ACSM3: variants seen among roughly 807,000 people sequenced by gnomAD.
ACSM3 encodes the protein acyl-coenzyme A synthetase ACSM3, mitochondrial.
In ACSM3, 61 loss-of-function variants were observed where a neutral mutation model predicts 74.1. That is an observed-to-expected ratio of 0.82 (90% CI 0.67 to 1.02). The LOEUF (loss-of-function observed/expected upper bound fraction) is 1.02. ACSM3 is among the 50% of genes least tolerant of loss of function. The pLI is 0.00. For missense variants in ACSM3, 660 were observed against 697.0 expected (o/e 0.95, Z 0.60); for synonymous variants, 213 against 241.5 (o/e 0.88, Z 1.09).
chr16:20,707,800 A>G (rs1596482209), intron 1 of ACSM3, among the ~76,000 whole-genome samples: 1 of 152,182 alleles, frequency 6.6e-6, no homozygotes, highest in African/African-American at 2.4e-5. Flanking sequence ...TGCTCTTTCA[A>G]ATGAAAAGGT....
chr16:20,774,398 A>G lies in ACSM3; in HGVS notation c.220-1441A>G, dbSNP rs2080230456. The stretch of plus-strand genomic sequence containing the variant: ...CTGGGACTACAAGGTGCACGCTATC[A>G]TGCCCAGCTAATGTTTGTATTTTTT... On this transcript the variant is annotated intron_variant, in intron 2 of 13. Coordinates refer to ENST00000289416, the MANE Select transcript of ACSM3 (RefSeq NM_005622.4). Among the ~76,000 whole-genome samples, 6 of 152,078 alleles carry G rather than the reference A, an allele frequency of 3.9e-5. No homozygotes were observed. The South Asian group carries it at 1.2e-3, about 32-fold the overall frequency.
intron 3 of ACSM3, among the ~76,000 whole-genome samples, chr16:20,776,334 T>C (rs182076409): frequency 8.5e-5 from 13 of 152,334 alleles, no homozygotes; most frequent in African/African-American, 3.1e-4. Context: ...GTTGTTGGTT[T>C]CTTGAAGAAC....
intron 2 of ACSM3, among the ~76,000 whole-genome samples, chr16:20,774,622 A>T (rs2080233847): frequency 6.6e-6 from 1 of 152,174 alleles, no homozygotes; most frequent in African/African-American, 2.4e-5. Context: ...CCATTTAGTC[A>T]GTCCATACAG....
intron 1 of ACSM3, among the ~76,000 whole-genome samples, chr16:20,720,631 A>G (rs888344552): frequency 1.3e-5 from 2 of 150,364 alleles, no homozygotes; most frequent in East Asian, 3.9e-4. Context: ...CTTAACATAA[A>G]TGTAGGCTAA....
At chr16:20,718,583 C>T (rs979069219) in intron 1 of ACSM3, 1 of 220,100 alleles carries the variant, frequency 4.5e-6, no homozygotes, top group African/African-American at 2.3e-5. Flanking sequence ...CCTTGAATTG[C>T]TATAAGATAT....
intron 2 of ACSM3, among the ~76,000 whole-genome samples, chr16:20,771,703 G>A (rs1479196158): frequency 2.0e-5 from 3 of 152,148 alleles, no homozygotes; most frequent in African/African-American, 4.8e-5. Flanking sequence ...ACATGGCAGT[G>A]CAGATATCTC....
chr16:20,751,868 TCAAA>T (rs1567337338), intron 2 of ACSM3, among the ~76,000 whole-genome samples: 1 of 152,176 alleles, frequency 6.6e-6, no homozygotes, highest in Non-Finnish European at 1.5e-5. Context: ...CTAGGTATAG[TCAAA>T]CAACTTGGCA....
At chr16:20,741,700 C>T (rs137951695) in intron 1 of ACSM3, 14 of 1,578,190 alleles carry the variant, frequency 8.9e-6, no homozygotes, top group Non-Finnish European at 8.6e-6. Flanking sequence ...TTGCGCTTCC[C>T]GCCGCCAGGC....
chr16:20,749,993 G>A (rs541467605), exon 2 of ACSM3: 15 of 152,246 alleles, frequency 9.9e-5, no homozygotes, highest in Non-Finnish European at 1.9e-4. Flanking sequence ...ATGCTGGGGA[G>A]AGGCAAACAG....
rs766609311 is a variant in ACSM3 at position 20,709,256 on chromosome 16, AAAAG to A, written c.-190+34442_-190+34445del. Among the ~76,000 whole-genome samples the A allele has an allele frequency of 1.1e-4, 16 of 152,364 alleles. No individual in the cohort carries two copies. In the East Asian group the frequency reaches 1.5e-3, roughly 15 times the overall value. ...ACAGAGCGAGACACTATCTCAGAAA[AAAAG>A]AAAGAAAAAAATGATATTGCTTAAC... On this transcript the variant is annotated intron_variant, in intron 1 of 3. Coordinates refer to the ACSM3 transcript ENST00000561584.
Position 20,790,522 on chromosome 16 carries a change from G to A in ACSM3, c.1225-65G>A. 2 of 1,462,308 alleles carry A rather than the reference G, an allele frequency of 1.4e-6. No homozygotes were observed. Among genetic ancestry groups the A allele is most frequent in the Non-Finnish European group, 1.9e-6 (2 of 1,060,942 alleles). 90.6% of individuals were successfully genotyped at this position (1,462,308 alleles called of 1,614,324 possible). ...CAAAAGCCAAAATAAAACTTGCAAA[G>A]TTAATATTTAAGCTGCGACATTAAA... On this transcript the variant is annotated intron_variant, in intron 9 of 13. Transcript: ENST00000289416. The surrounding 1 kb of genome is among the most constrained non-coding windows in gnomAD (Gnocchi z 4.0).
chr16:20,733,232 A>G (rs2079841844), intron 1 of ACSM3, among the ~76,000 whole-genome samples: 1 of 152,188 alleles, frequency 6.6e-6, no homozygotes. Flanking sequence ...CAGGAGTCAA[A>G]TGATTACTTA....
rs761137788 is a variant in ACSM3 at position 20,777,387 on chromosome 16, C to T, written c.445C>T (p.Pro149Ser). Residue 149 changes from proline (P) to serine (S), a missense_variant, in exon 4 of 14, where the codon CCA becomes TCA. Coordinates refer to ENST00000289416, the MANE Select transcript of ACSM3 (RefSeq NM_005622.4). ...ACLRTGTVLI[P>S]GTTQLTQKDI... ...TGCCCCTTTAGGGACAGTTTTAATT[C>T]CAGGAACCACTCAGCTGACCCAGAA... 3 of 1,613,728 alleles carry T rather than the reference C, an allele frequency of 1.9e-6. No individual in the cohort carries two copies. In the East Asian group the frequency reaches 6.7e-5, roughly 36 times the overall value.
rs2080208880 is a variant in ACSM3 at position 20,772,800 on chromosome 16, C to G, written c.219+2547C>G. Among the ~76,000 whole-genome samples, 2 of 152,082 alleles carry G rather than the reference C, an allele frequency of 1.3e-5. 1 individual carries two copies. Among genetic ancestry groups the G allele is most frequent in the South Asian group, 4.2e-4 (2 of 4,818 alleles). ...TTTGAAGTTAGGAAGTGTGGTGTCTCTACTAAAAATACAAAAATTAGCCGG... is the reference window on the plus strand; with the variant it reads ...TTTGAAGTTAGGAAGTGTGGTGTCTGTACTAAAAATACAAAAATTAGCCGG... On this transcript the variant is annotated intron_variant, in intron 2 of 13. Transcript: ENST00000289416.
Position 20,796,463 on chromosome 16 carries a change from A to G in ACSM3, c.1648A>G (p.Thr550Ala). ...KEIQEHVKKT[T>A]APYKYPRKVE... Reference sequence around the variant, plus strand: ...GATTCAGGAGCATGTTAAAAAAACTACAGCACCTTACAAATATCCCAGAAA... The same window carrying G: ...GATTCAGGAGCATGTTAAAAAAACTGCAGCACCTTACAAATATCCCAGAAA... The change falls in exon 13 of 14, where the codon ACA becomes GCA. Residue 550 changes from threonine to alanine, a missense_variant. Transcript: ENST00000289416. The G allele has an allele frequency of 6.2e-7, 1 of 1,613,570 alleles. No homozygotes were observed. Among genetic ancestry groups the G allele is most frequent in the Non-Finnish European group, 8.5e-7 (1 of 1,179,894 alleles).
At chr16:20,792,803 G>A in intron 12 of ACSM3, 6 of 724,124 alleles carry the variant, frequency 8.3e-6, no homozygotes, top group Non-Finnish European at 1.0e-5. Context: ...AGGTAAATAA[G>A]TAGAGATTTC....
intron 1 of ACSM3, among the ~76,000 whole-genome samples, chr16:20,742,815 T>TATATATATA (rs1567334289): frequency 0.021 from 965 of 46,826 alleles, 3 homozygotes; most frequent in Middle Eastern, 0.051. Flanking sequence ...ATATATATAT[T>TATATATATA]TTTTTTTTTT....
At chr16:20,719,120 G>T (rs1432138532) in intron 1 of ACSM3, 3 of 153,924 alleles carry the variant, frequency 1.9e-5, no homozygotes, top group Non-Finnish European at 4.4e-5. Context: ...ACCCTTCTCT[G>T]CAGCCCTTAA....
intron 4 of ACSM3, chr16:20,780,302 G>C (rs1280088841): frequency 3.3e-6 from 1 of 299,790 alleles, no homozygotes; most frequent in African/African-American, 2.2e-5. Context: ...AACATGTATT[G>C]TATTAACATA....
Sources: allele counts gnomAD v4.1 joint callset (sites outside exome capture counted in the v4.1 genomes callset), GRCh38; gene constraint gnomAD v4.1.1; non-coding constraint Gnocchi (gnomAD v3.1); transcripts MANE v1.5; gene names NCBI Gene and HGNC (gene_info 2026-07-23, HGNC 2026-07-21).